CYTH3: variants seen among roughly 807,000 people sequenced by gnomAD.
The protein encoded by CYTH3 is cytohesin 3.
CYTH3 carries 23 observed loss-of-function variants against 55.1 expected under a neutral mutation model. The ratio of observed to expected loss-of-function variants is 0.42; its 90% CI spans 0.30 to 0.59. CYTH3 has a LOEUF of 0.59. Among genes scored for constraint, CYTH3 ranks in the 20% least tolerant of loss-of-function variants. The pLI is 0.20. For missense variants in CYTH3, 413 were observed against 524.8 expected (o/e 0.79, Z 2.08); for synonymous variants, 249 against 194.9 (o/e 1.28, Z -2.31).
intron 1 of CYTH3, among the ~76,000 whole-genome samples, chr7:6,254,252 T>C (rs1443526098): frequency 6.6e-6 from 1 of 151,946 alleles, no homozygotes; most frequent in Admixed American, 6.6e-5. Flanking sequence ...TAAATCTTAA[T>C]TAGAGCCTAG....
rs2128535998 is a variant in CYTH3 at position 6,167,026 on chromosome 7, C to A, written c.824-1216G>T. Among the ~76,000 whole-genome samples, 1 of 152,316 alleles carries A rather than the reference C, an allele frequency of 6.6e-6. No individual in the cohort carries two copies. Among genetic ancestry groups the A allele is most frequent in the South Asian group, 2.1e-4 (1 of 4,822 alleles). On this transcript the variant is annotated intron_variant, in intron 9 of 12. Transcript: ENST00000350796. This position sits in a 1 kb window ranked among gnomAD's most constrained non-coding sequence, Gnocchi z 5.5. ...CCTGCCCCCAACATCTCTCCTGAGC[C>A]CTGGCGGGGCTTCCACTCCCCGAAC...
intron 2 of CYTH3, among the ~76,000 whole-genome samples, chr7:6,190,049 G>GA (rs763520022): frequency 1.2e-4 from 18 of 151,988 alleles, no homozygotes; most frequent in Non-Finnish European, 2.6e-4. Flanking sequence ...AAAGCAAAAA[G>GA]AAAAAAACAA....
At position 6,183,546 on chromosome 7, in the gene CYTH3, G is replaced by C. The variant is rs142352728; in HGVS notation, c.249+3504C>G. ...GCACCTCAACAAACCAAAGCTCCCTGTTTAAAGTGTCATCACTCTGAGACT... is the reference window on the plus strand; with the variant it reads ...GCACCTCAACAAACCAAAGCTCCCTCTTTAAAGTGTCATCACTCTGAGACT... On this transcript the variant is annotated intron_variant, in intron 4 of 12. Transcript: ENST00000350796. Among the ~76,000 whole-genome samples, 285 of 152,266 alleles carry C rather than the reference G, an allele frequency of 1.9e-3. 1 individual carries two copies. The highest frequency in any genetic ancestry group is 6.1e-3 in the African/African-American group (255 of 41,544).
Position 6,163,651 on chromosome 7 carries a change from A to G in CYTH3, c.*1293T>C. ...ACCTCCCAGGCGGGCGTGGAGTTTG[A>G]CCAGTTCCACCACCGGCGTCTATCT... On this transcript the variant is annotated 3_prime_UTR_variant, in exon 13 of 13. Coordinates refer to ENST00000350796, the MANE Select transcript of CYTH3 (RefSeq NM_004227.4). The G allele has an allele frequency of 6.6e-6, 1 of 152,282 alleles. No homozygotes were observed. Among genetic ancestry groups the G allele is most frequent in the Non-Finnish European group, 1.5e-5 (1 of 68,080 alleles). 9.4% of individuals were successfully genotyped at this position (152,282 alleles called of 1,614,324 possible). A position where few individuals can be genotyped will look rare whatever the true frequency, so the allele number is the denominator to read the frequency against.
At chr7:6,240,289 T>A (rs1184616522) in intron 1 of CYTH3, among the ~76,000 whole-genome samples, 1 of 105,002 alleles carries the variant, frequency 9.5e-6, no homozygotes, top group Non-Finnish European at 1.7e-5. Flanking sequence ...GGAGACTCCA[T>A]CTCAAAAAAA....
At chr7:6,259,773 TATATATATATAA>T (rs1780259390) in intron 1 of CYTH3, among the ~76,000 whole-genome samples, 1 of 22,306 alleles carries the variant, frequency 4.5e-5, no homozygotes, top group African/African-American at 6.2e-4. Context: ...ATATATATAT[TATATATATATAA>T]TATATATATA....
chr7:6,165,041 G>C lies in CYTH3; in HGVS notation c.1128-25C>G, dbSNP rs563647428. Reference sequence around the variant, plus strand: ...TCTGGTGAAAAAAGGAAAACACACAGGTTAGGTCGTGGGTGACACACAGAC... The same window carrying C: ...TCTGGTGAAAAAAGGAAAACACACACGTTAGGTCGTGGGTGACACACAGAC... On this transcript the variant is annotated intron_variant, in intron 12 of 12. Coordinates refer to ENST00000350796, the MANE Select transcript of CYTH3 (RefSeq NM_004227.4). 5 of 1,613,958 alleles carry C rather than the reference G, an allele frequency of 3.1e-6. No individual in the cohort carries two copies. The African/African-American group carries it at 6.7e-5, about 22-fold the overall frequency.
At chr7:6,219,087 G>C (rs941865612) in intron 1 of CYTH3, among the ~76,000 whole-genome samples, 7 of 150,866 alleles carry the variant, frequency 4.6e-5, no homozygotes, top group African/African-American at 1.5e-4. Context: ...TATCATCTTA[G>C]AGAATACCTA....
At chr7:6,187,493 C>A (rs1185821904) in intron 3 of CYTH3, among the ~76,000 whole-genome samples, 164 bp downstream of exon 3, 1 of 152,060 alleles carries the variant, frequency 6.6e-6, no homozygotes, top group Non-Finnish European at 1.5e-5. Context: ...AGGGAAACAC[C>A]CCTGGACCCC....
At chr7:6,180,755 C>T (rs902062522) in intron 4 of CYTH3, among the ~76,000 whole-genome samples, 2 of 152,190 alleles carry the variant, frequency 1.3e-5, no homozygotes, top group African/African-American at 2.4e-5. Flanking sequence ...AAAAGTCAAA[C>T]AGCAGAAATG....
At chr7:6,266,242 C>T (rs1017284319) in intron 1 of CYTH3, among the ~76,000 whole-genome samples, 8 of 152,100 alleles carry the variant, frequency 5.3e-5, no homozygotes, top group Admixed American at 1.3e-4. Context: ...GTTGAGAATA[C>T]GGATTCTGAA....
At chr7:6,242,821 T>C (rs923720721) in intron 1 of CYTH3, among the ~76,000 whole-genome samples, 15 of 152,190 alleles carry the variant, frequency 9.9e-5, no homozygotes, top group African/African-American at 3.6e-4. Flanking sequence ...GTGCCTCCCA[T>C]ACTCCTCCCA....
chr7:6,239,045 C>A (rs1372443280), intron 1 of CYTH3, among the ~76,000 whole-genome samples: 1 of 152,134 alleles, frequency 6.6e-6, no homozygotes, highest in East Asian at 1.9e-4. Flanking sequence ...AAAACCCCAT[C>A]TCTACAAAAA....
chr7:6,251,751 A>C (rs541284757), intron 1 of CYTH3, among the ~76,000 whole-genome samples: 56 of 152,336 alleles, frequency 3.7e-4, no homozygotes, highest in African/African-American at 1.3e-3. Context: ...AATAGAGTAC[A>C]GGACTTCAAA....
Position 6,267,353 on chromosome 7 carries a change from C to T in CYTH3, c.34+5121G>A, listed in dbSNP as rs1416139377. ...CATAGAACCTGGTATTTGGTAGAGA[C>T]ACCATCAACATTTGAGTAAATGACT... On this transcript the variant is annotated intron_variant, in intron 1 of 12. Coordinates refer to ENST00000350796, the MANE Select transcript of CYTH3 (RefSeq NM_004227.4). 2.6e-5 allele frequency among the ~76,000 whole-genome samples: 4 copies of T among 152,178 alleles called. No individual in the cohort carries two copies. In the South Asian group the frequency reaches 8.3e-4, roughly 32 times the overall value.
intron 1 of CYTH3, among the ~76,000 whole-genome samples, chr7:6,213,045 T>A (rs891404544): frequency 4.6e-5 from 7 of 152,204 alleles, no homozygotes; most frequent in African/African-American, 9.6e-5. Context: ...ATTAGTAGCA[T>A]CCCGCTGACT....
At position 6,219,372 on chromosome 7, in the gene CYTH3, T is replaced by C. The variant is rs187821983; in HGVS notation, c.35-28841A>G. Among the ~76,000 whole-genome samples the C allele has an allele frequency of 4.6e-5, 7 of 152,304 alleles. No homozygotes were observed. In the East Asian group the frequency reaches 5.8e-4, roughly 13 times the overall value. ...AGAGAGAAATTAAGAGAAACTATTA[T>C]GCAAAAAGGAACCAGGGCTTAATTT... On this transcript the variant is annotated intron_variant, in intron 1 of 12. Transcript: ENST00000350796.
At chr7:6,269,196 G>C (rs186181986) in intron 1 of CYTH3, among the ~76,000 whole-genome samples, 3 of 152,282 alleles carry the variant, frequency 2.0e-5, no homozygotes, top group Admixed American at 2.0e-4. Flanking sequence ...GCAAGAAACG[G>C]ATCTGAGCCA....
rs1413850402 is a variant in CYTH3, at chr7:6,218,962, G to A, written c.35-28431C>T. On this transcript the variant is annotated intron_variant, in intron 1 of 12. Transcript: ENST00000350796. ...GGAGGTTGCAGTGAGCCGACACTGT[G>A]CCACTGTACTCCAGGCTGGCAACGG... Among the ~76,000 whole-genome samples, 9 of 143,386 alleles carry A rather than the reference G, an allele frequency of 6.3e-5. No individual in the cohort carries two copies. The South Asian group carries it at 1.1e-3, about 18-fold the overall frequency. The allele number at this position is 143,386 out of a possible 152,430, so 94.1% of individuals were successfully genotyped here.
Sources: gnomAD v4.1 joint callset for allele counts (sites outside exome capture counted in the v4.1 genomes callset) on GRCh38, gnomAD v4.1.1 for gene constraint, Gnocchi (gnomAD v3.1) non-coding constraint, MANE v1.5 for transcripts, NCBI Gene and HGNC (gene_info 2026-07-23, HGNC 2026-07-21) for gene names.